The following OCA2 variants were observed in gnomAD, a reference collection of about 807,000 sequenced individuals.
OCA2 encodes the protein P protein.
In OCA2, 77 loss-of-function variants were observed where a neutral mutation model predicts 100.2. The observed-to-expected ratio is 0.77, with a 90% CI of 0.64 to 0.93. The LOEUF (loss-of-function observed/expected upper bound fraction) is 0.93. OCA2 is among the 40% of genes least tolerant of loss of function. OCA2 has a pLI of 0.00. For missense variants in OCA2, 1,062 were observed against 1,089.1 expected (o/e 0.98, Z 0.35); for synonymous variants, 432 against 439.2 (o/e 0.98, Z 0.21).
At chr15:27,898,117 G>A (rs1294117790) in intron 19 of OCA2, among the ~76,000 whole-genome samples, 2 of 152,208 alleles carry the variant, frequency 1.3e-5, no homozygotes, top group Non-Finnish European at 2.9e-5. Flanking sequence ...ATAGGCGGAA[G>A]GGACTTGCCT....
At chr15:27,835,239 A>C (rs901612637) in intron 23 of OCA2, among the ~76,000 whole-genome samples, 1 of 152,224 alleles carries the variant, frequency 6.6e-6, no homozygotes, top group Non-Finnish European at 1.5e-5. Flanking sequence ...TCTTGGGCAA[A>C]TAAAATGATG....
intron 23 of OCA2, among the ~76,000 whole-genome samples, chr15:27,821,613 CACAT>C (rs1415511497): frequency 4.7e-5 from 7 of 150,180 alleles, no homozygotes; most frequent in Non-Finnish European, 7.4e-5. Flanking sequence ...CACACTAGTA[CACAT>C]ACATGTGTGC....
chr15:27,811,767 A>G (rs1164422704), intron 23 of OCA2, among the ~76,000 whole-genome samples: 2 of 152,198 alleles, frequency 1.3e-5, no homozygotes, highest in Non-Finnish European at 2.9e-5. Context: ...GCCAAGCTAC[A>G]TAAGCCATAT....
At chr15:27,751,161 A>T (rs1298377004), downstream of OCA2, among the ~76,000 whole-genome samples, 1 of 152,214 alleles carries the variant, frequency 6.6e-6, no homozygotes, top group Non-Finnish European at 1.5e-5. Flanking sequence ...GATCCAAAAC[A>T]TCCTCTGGTC....
chr15:28,081,674 C>A lies in OCA2; in HGVS notation c.201G>T (p.Glu67Asp). The change falls in exon 2 of 24, where the codon GAG becomes GAT. Residue 67 changes from glutamate (E) to aspartate (D), a missense_variant. Transcript: ENST00000354638. ...GQSSWAPAGQEFASFLTKGRS... is the reference protein window; with the variant it reads ...GQSSWAPAGQDFASFLTKGRS... ...TCCCTTTTGTGAGGAATGAAGCAAACTCCTGGCCTGCAGGAGCCCAAGAGC... is the reference window on the plus strand; with the variant it reads ...TCCCTTTTGTGAGGAATGAAGCAAAATCCTGGCCTGCAGGAGCCCAAGAGC... 1 of 1,613,822 alleles carries A rather than the reference C, an allele frequency of 6.2e-7. No individual in the cohort carries two copies. The highest frequency in any genetic ancestry group is 8.5e-7 in the Non-Finnish European group (1 of 1,180,018).
At chr15:27,807,837 T>C (rs1309688367) in intron 23 of OCA2, among the ~76,000 whole-genome samples, 2 of 152,204 alleles carry the variant, frequency 1.3e-5, no homozygotes, top group Non-Finnish European at 2.9e-5. Flanking sequence ...ACCTGGGCAT[T>C]AAGACATAAA....
At chr15:27,945,902 T>C (rs1256585734) in intron 18 of OCA2, among the ~76,000 whole-genome samples, 1 of 152,216 alleles carries the variant, frequency 6.6e-6, no homozygotes, top group Non-Finnish European at 1.5e-5. Context: ...TCGCTGATTC[T>C]TTTCACAGGT....
intron 18 of OCA2, among the ~76,000 whole-genome samples, chr15:27,938,081 T>G (rs2039520442): frequency 6.6e-6 from 1 of 152,206 alleles, no homozygotes; most frequent in Non-Finnish European, 1.5e-5. Context: ...ATTGCTGCAA[T>G]AAAGCTACAT....
the OCA2 span, among the ~76,000 whole-genome samples, chr15:27,744,329 T>A: frequency 6.6e-6 from 1 of 151,868 alleles, no homozygotes; most frequent in Non-Finnish European, 1.5e-5. Context: ...AGCAGGATGG[T>A]GGGAACTTGA....
rs59627782 is a variant in OCA2, at chr15:27,801,314, G to A, written c.2432+43645C>T. On this transcript the variant is annotated intron_variant, in intron 23 of 23. Coordinates refer to ENST00000354638, the MANE Select transcript of OCA2 (RefSeq NM_000275.3). ...ACGTGGTGGTTCACCAACACTTTGG[G>A]AGGCCAAGGTGGGCAGATCACGAGG... 1.8e-3 allele frequency among the ~76,000 whole-genome samples: 278 copies of A among 152,226 alleles called. 1 individual carries two copies. The highest frequency in any genetic ancestry group is 6.0e-3 in the African/African-American group (251 of 41,536).
At chr15:28,090,115 G>A (rs1230779723) in intron 1 of OCA2, among the ~76,000 whole-genome samples, 1 of 152,156 alleles carries the variant, frequency 6.6e-6, no homozygotes, top group Non-Finnish European at 1.5e-5. Flanking sequence ...GAGACATCTT[G>A]TAGTGATAAA....
chr15:28,046,761 A>C lies in OCA2; in HGVS notation c.228-14598T>G, dbSNP rs147065959. On this transcript the variant is annotated intron_variant, in intron 2 of 23. Transcript: ENST00000354638. ...CCAAGTGGACTTCATCCATACAAGC[A>C]AGAAATGAACCGATATTGTGATGGA... 9.8e-3 allele frequency among the ~76,000 whole-genome samples: 1,486 copies of C among 152,358 alleles called. 12 individuals are homozygous for C. The highest frequency in any genetic ancestry group is 0.031 in the Middle Eastern group (9 of 294).
At chr15:28,079,681 C>T (rs920156794) in intron 2 of OCA2, among the ~76,000 whole-genome samples, 8 of 152,222 alleles carry the variant, frequency 5.3e-5, no homozygotes, top group African/African-American at 1.9e-4. Flanking sequence ...CATGAGGGCT[C>T]ATGCCTGTGG....
chr15:27,949,292 C>T (rs531408299), intron 18 of OCA2, among the ~76,000 whole-genome samples: 4 of 152,272 alleles, frequency 2.6e-5, no homozygotes, highest in Admixed American at 2.6e-4. Context: ...TGATGTACAT[C>T]GTGTGATACG....
At chr15:27,756,966 T>C (rs763023904) in intron 23 of OCA2, among the ~76,000 whole-genome samples, 1 of 152,188 alleles carries the variant, frequency 6.6e-6, no homozygotes, top group Non-Finnish European at 1.5e-5. Context: ...CCAAACATTT[T>C]CATTTCACCC....
the OCA2 span, among the ~76,000 whole-genome samples, chr15:27,727,170 C>T: frequency 6.6e-6 from 1 of 152,204 alleles, no homozygotes; most frequent in East Asian, 1.9e-4. Flanking sequence ...TACACCTCTC[C>T]GCTCTGCAAA....
chr15:27,972,848 A>ATTT (rs1567177123), intron 14 of OCA2, among the ~76,000 whole-genome samples: 1 of 45,308 alleles, frequency 2.2e-5, no homozygotes, highest in Non-Finnish European at 1.5e-4. Flanking sequence ...ATTTTATTTT[A>ATTT]TTTTATTTTA....
At chr15:27,913,135 C>T (rs558323228) in intron 19 of OCA2, among the ~76,000 whole-genome samples, 1 of 151,910 alleles carries the variant, frequency 6.6e-6, no homozygotes, top group Non-Finnish European at 1.5e-5. Context: ...GAATATTGGA[C>T]AGAAAAAAAG....
chr15:27,805,889 G>A (rs1248388420), intron 23 of OCA2, among the ~76,000 whole-genome samples: 1 of 152,206 alleles, frequency 6.6e-6, no homozygotes, highest in Non-Finnish European at 1.5e-5. Context: ...CAGGGCAGGG[G>A]AGCCTGGCTC....
Sources: gnomAD v4.1 joint callset for allele counts (sites outside exome capture counted in the v4.1 genomes callset) on GRCh38, gnomAD v4.1.1 for gene constraint, MANE v1.5 for transcripts, NCBI Gene and HGNC (gene_info 2026-07-23, HGNC 2026-07-21) for gene names.